Variants in SLC15A2 observed in about 807,000 individuals in gnomAD.
SLC15A2 encodes solute carrier family 15 member 2, also known as kidney H(+)/peptide cotransporter.
A neutral mutation model predicts 95.5 loss-of-function variants in SLC15A2; 77 were observed. That is an observed-to-expected ratio of 0.81 (90% CI 0.67 to 0.97). The LOEUF (loss-of-function observed/expected upper bound fraction) is 0.97. Ranked by LOEUF, SLC15A2 falls within the 50% of genes least tolerant of loss-of-function variation. SLC15A2 has a pLI of 0.00. For missense variants in SLC15A2, 893 were observed against 874.4 expected, an observed-to-expected ratio of 1.02 and a Z score of -0.27; for synonymous variants, 306 against 306.9, an observed-to-expected ratio of 1.00 and a Z score of 0.03.
At chr3:121,931,772 A>G (rs771634057) in intron 19 of SLC15A2, 37 bp downstream of exon 19, 12 of 1,199,478 alleles carry the variant, frequency 1.0e-5, no homozygotes, top group African/African-American at 8.9e-5. Flanking sequence ...CCCTCTCTCC[A>G]TATACATATA....
chr3:121,931,768 C>A, intron 19 of SLC15A2, 33 bp downstream of exon 19: 1 of 1,262,746 alleles, frequency 7.9e-7, no homozygotes, highest in Non-Finnish European at 1.2e-6. Flanking sequence ...TTTACCCTCT[C>A]TCCATATACA....
intron 7 of SLC15A2, among the ~76,000 whole-genome samples, chr3:121,918,097 T>C (rs1300789243): frequency 1.3e-5 from 2 of 152,166 alleles, no homozygotes; most frequent in African/African-American, 4.8e-5. Context: ...AGAGAAAGGA[T>C]TGTGTTGGAG....
chr3:121,904,550 T>G (rs1473432744), intron 3 of SLC15A2, among the ~76,000 whole-genome samples: 2 of 152,236 alleles, frequency 1.3e-5, no homozygotes, highest in Non-Finnish European at 2.9e-5. Context: ...ATTGAGAGTT[T>G]TTAGCATGAA....
chr3:121,920,994 G>GA (rs1307289149), intron 7 of SLC15A2, among the ~76,000 whole-genome samples: 4 of 152,070 alleles, frequency 2.6e-5, no homozygotes, highest in Admixed American at 6.5e-5. Flanking sequence ...GAATGAAATT[G>GA]AAAAAACCAC....
intron 13 of SLC15A2, 107 bp from the exon 14 acceptor site, chr3:121,927,651 C>G: frequency 1.3e-6 from 1 of 749,074 alleles, no homozygotes. Flanking sequence ...TTCTTTACAG[C>G]AATGCAAGAA....
chr3:121,924,871 AGC>A, intron 12 of SLC15A2, 72 bp from the exon 13 acceptor site: 1 of 1,046,210 alleles, frequency 9.6e-7, no homozygotes, highest in Non-Finnish European at 1.5e-6. Context: ...AGTGTAAACA[AGC>A]AAATGAGTGC....
intron 19 of SLC15A2, among the ~76,000 whole-genome samples, chr3:121,938,814 C>G (rs1378379750): frequency 6.6e-6 from 1 of 152,210 alleles, no homozygotes; most frequent in Non-Finnish European, 1.5e-5. Flanking sequence ...TTTTAACCCT[C>G]CTGGCCAAAA....
At chr3:121,928,165 C>T (rs951141994) in intron 14 of SLC15A2, 1 of 546,438 alleles carries the variant, frequency 1.8e-6, no homozygotes, top group Non-Finnish European at 3.2e-6. Context: ...GATTGAATAG[C>T]CACTATTACG....
At position 121,943,604 on chromosome 3, in the gene SLC15A2, C is replaced by A. The variant is rs1294034497; in HGVS notation, c.*2597C>A. On this transcript the variant is annotated 3_prime_UTR_variant, in exon 22 of 22. Transcript: ENST00000489711. ...CTTCTGTTAATGCAGTGTAAGGTAA[C>A]ATGAGTTGTTTTTGGAAACTACATC... 1 of 152,218 alleles carries A rather than the reference C, an allele frequency of 6.6e-6. No individual in the cohort carries two copies. Among genetic ancestry groups the A allele is most frequent in the East Asian group, 1.9e-4 (1 of 5,194 alleles). 9.4% of individuals were successfully genotyped at this position (152,218 alleles called of 1,614,324 possible).
intron 19 of SLC15A2, among the ~76,000 whole-genome samples, chr3:121,935,684 T>G (rs1157986839): frequency 6.6e-6 from 1 of 152,144 alleles, no homozygotes; most frequent in Non-Finnish European, 1.5e-5. Context: ...GCTAGCAGTC[T>G]ATCAATTTTG....
chr3:121,898,470 T>C (rs1709463017), intron 3 of SLC15A2, among the ~76,000 whole-genome samples: 1 of 152,232 alleles, frequency 6.6e-6, no homozygotes. Context: ...CTGATAAGCT[T>C]AGAAATGGAT....
chr3:121,929,087 GAGA>G lies in SLC15A2; in HGVS notation c.1452_1454del (p.Lys484del). On this transcript the variant is annotated inframe_deletion, in exon 16 of 22. Transcript: ENST00000489711. ...TCTCTACACTGAGCATTCTGTGCAG[GAGA>G]AGAACTGGTACAGTCTTGTCATTCG... is the stretch of plus-strand genomic sequence containing the variant. 6.2e-7 allele frequency: 1 copy of G among 1,614,098 alleles called. No individual in the cohort carries two copies. Among genetic ancestry groups the G allele is most frequent in the Non-Finnish European group, 8.5e-7 (1 of 1,179,954 alleles).
At chr3:121,923,005 C>T in intron 9 of SLC15A2, 35 bp from the exon 10 acceptor site, 1 of 1,605,244 alleles carries the variant, frequency 6.2e-7, no homozygotes, top group East Asian at 2.2e-5. Flanking sequence ...TACAGAACTT[C>T]TAGCATTTCT....
At chr3:121,907,019 T>C (rs1380508545) in intron 3 of SLC15A2, among the ~76,000 whole-genome samples, 1 of 152,236 alleles carries the variant, frequency 6.6e-6, no homozygotes, top group East Asian at 1.9e-4. Context: ...TTTTACATAG[T>C]CCTATATTTC....
chr3:121,924,273 C>G, intron 11 of SLC15A2, 78 bp from the exon 12 acceptor site: 3 of 1,271,612 alleles, frequency 2.4e-6, no homozygotes, highest in Non-Finnish European at 3.4e-6. Context: ...TGCTAACTAG[C>G]AAAATTATTG....
At chr3:121,906,821 C>T (rs1559842042) in intron 3 of SLC15A2, among the ~76,000 whole-genome samples, 2 of 152,152 alleles carry the variant, frequency 1.3e-5, no homozygotes, top group Admixed American at 6.5e-5. Context: ...TTTGGTGAAT[C>T]TGACAATTAT....
chr3:121,896,538 C>T (rs1488745050), intron 2 of SLC15A2, 45 bp downstream of exon 2: 2 of 1,425,274 alleles, frequency 1.4e-6, no homozygotes, highest in Non-Finnish European at 2.0e-6. Flanking sequence ...TCCACCCACC[C>T]TCACCCCATG....
intron 2 of SLC15A2, among the ~76,000 whole-genome samples, chr3:121,897,135 G>T (rs1382186542): frequency 6.6e-6 from 1 of 151,590 alleles, no homozygotes; most frequent in African/African-American, 2.4e-5. Flanking sequence ...CCTAAATGAT[G>T]CTAGGGGTGC....
intron 3 of SLC15A2, among the ~76,000 whole-genome samples, chr3:121,899,376 C>T (rs1235976012): frequency 6.6e-6 from 1 of 152,148 alleles, no homozygotes; most frequent in Non-Finnish European, 1.5e-5. Context: ...TCCCTAGGGT[C>T]TCTGTACCCT....
Sources: allele counts gnomAD v4.1 joint callset (sites outside exome capture counted in the v4.1 genomes callset), GRCh38; gene constraint gnomAD v4.1.1; transcripts MANE v1.5; gene names NCBI Gene and HGNC (gene_info 2026-07-23, HGNC 2026-07-21).